RFTN1: variants seen among roughly 807,000 people sequenced by gnomAD.
The protein encoded by RFTN1 is raftlin, lipid raft linker 1, also known as raftlin.
In RFTN1, 26 loss-of-function variants were observed where a neutral mutation model predicts 46.5. The ratio of observed to expected loss-of-function variants is 0.56; its 90% CI spans 0.41 to 0.78. RFTN1 has a LOEUF of 0.78. Among genes scored for constraint, RFTN1 ranks in the 30% least tolerant of loss-of-function variants. The pLI is 0.00. For missense variants in RFTN1, 693 were observed against 718.7 expected, an observed-to-expected ratio of 0.96 and a Z score of 0.41; for synonymous variants, 261 against 284.2, an observed-to-expected ratio of 0.92 and a Z score of 0.82.
rs886253253 is a variant in RFTN1, at chr3:16,322,312, T to G, written c.1332+1064A>C. ...CTTCAAGTCACCATTGCTTTGGCAC[T>G]CCTTCCACAAGTGGGCTCCCCCTGG... On this transcript the variant is annotated intron_variant, in intron 9 of 9. Coordinates refer to ENST00000334133, the MANE Select transcript of RFTN1 (RefSeq NM_015150.2). The surrounding 1 kb of genome is among the most constrained non-coding windows in gnomAD (Gnocchi z 6.2). 2.6e-5 allele frequency among the ~76,000 whole-genome samples: 4 copies of G among 152,200 alleles called. No homozygotes were observed. Among genetic ancestry groups the G allele is most frequent in the Non-Finnish European group, 5.9e-5 (4 of 68,034 alleles).
At chr3:16,373,983 G>A (rs1575166032) in intron 5 of RFTN1, among the ~76,000 whole-genome samples, 1 of 152,332 alleles carries the variant, frequency 6.6e-6, no homozygotes, top group East Asian at 1.9e-4. Context: ...GGTACTAATA[G>A]TGAGGCCCGC....
rs1284523208 is a variant in RFTN1, at chr3:16,346,961, G to A, written c.1146+10971C>T. Among the ~76,000 whole-genome samples the A allele has an allele frequency of 1.3e-5, 2 of 152,198 alleles. No individual in the cohort carries two copies. Among genetic ancestry groups the A allele is most frequent in the Non-Finnish European group, 2.9e-5 (2 of 68,034 alleles). ...CTCTAGACTTCCTGCTCAATGAGATGAGATGAACACCCCTACGGCTTAAGC... is the reference window on the plus strand; with the variant it reads ...CTCTAGACTTCCTGCTCAATGAGATAAGATGAACACCCCTACGGCTTAAGC... On this transcript the variant is annotated intron_variant, in intron 7 of 9. Transcript: ENST00000334133. This position sits in a 1 kb window ranked among gnomAD's most constrained non-coding sequence, Gnocchi z 4.4.
At chr3:16,378,182 C>G in intron 4 of RFTN1, 80 bp from the exon 5 acceptor site, 1 of 1,258,750 alleles carries the variant, frequency 7.9e-7, no homozygotes, top group Non-Finnish European at 1.1e-6. Context: ...CAAAGCGCCT[C>G]CCCGAGGCCT....
In RFTN1 at chr3:16,473,365, T is replaced by C. The variant is rs899340580; in HGVS notation, c.145+20360A>G. 2.0e-5 allele frequency among the ~76,000 whole-genome samples: 3 copies of C among 151,994 alleles called. No individual in the cohort carries two copies. Among genetic ancestry groups the C allele is most frequent in the African/African-American group, 7.2e-5 (3 of 41,400 alleles). ...AGTACCTTCCTGTCAGATGATTAAA[T>C]AAGGTCCACAAAAATACTCTGTTTT... On this transcript the variant is annotated intron_variant, in intron 2 of 9. Transcript: ENST00000334133. The surrounding 1 kb of genome is among the most constrained non-coding windows in gnomAD (Gnocchi z 5.3).
chr3:16,396,570 G>C (rs1442660079), intron 4 of RFTN1, among the ~76,000 whole-genome samples: 1 of 152,176 alleles, frequency 6.6e-6, no homozygotes, highest in African/African-American at 2.4e-5. Context: ...AAAAAGAGAG[G>C]AGGGAGTTTT....
intron 4 of RFTN1, among the ~76,000 whole-genome samples, chr3:16,390,455 C>T (rs535645960): frequency 6.9e-6 from 1 of 145,250 alleles, no homozygotes; most frequent in Admixed American, 7.0e-5. Flanking sequence ...ATCCAAACTG[C>T]TGGAAAAAGC....
intron 7 of RFTN1, among the ~76,000 whole-genome samples, chr3:16,332,392 G>T (rs374430872): frequency 6.8e-5 from 10 of 147,314 alleles, no homozygotes; most frequent in African/African-American, 2.5e-4. Context: ...AGATTCAAAA[G>T]CCCTTTCTTA....
rs2076416086 is a variant in RFTN1 at position 16,484,425 on chromosome 3, A to G, written c.145+9300T>C. ...TTTATATACAGAGTTTAAGGCTAGA[A>G]TGCTGGTGGCCGAAAGCCAAGTATG... On this transcript the variant is annotated intron_variant, in intron 2 of 9. Coordinates refer to ENST00000334133, the MANE Select transcript of RFTN1 (RefSeq NM_015150.2). This position sits in a 1 kb window ranked among gnomAD's most constrained non-coding sequence, Gnocchi z 4.6. 1.3e-5 allele frequency among the ~76,000 whole-genome samples: 2 copies of G among 152,204 alleles called. No homozygotes were observed. The highest frequency in any genetic ancestry group is 1.3e-4 in the Admixed American group (2 of 15,280).
rs1471636472 is a variant in RFTN1 at position 16,513,487 on chromosome 3, G to A, written c.-54C>T. 6.6e-6 allele frequency: 1 copy of A among 152,260 alleles called. No individual in the cohort carries two copies. Among genetic ancestry groups the A allele is most frequent in the Non-Finnish European group, 1.5e-5 (1 of 68,148 alleles). 9.4% of individuals were successfully genotyped at this position (152,260 alleles called of 1,614,324 possible). ...GAAGGCGCGGTCGCGGGCTCCCTGA[G>A]GCAGCGTGTTCCGTCCCGGGAGGAA... On this transcript the variant is annotated 5_prime_UTR_variant, in exon 1 of 10. Coordinates refer to ENST00000334133, the MANE Select transcript of RFTN1 (RefSeq NM_015150.2). The surrounding 1 kb of genome is among the most constrained non-coding windows in gnomAD (Gnocchi z 5.4).
rs2076079026 is a variant in RFTN1 at position 16,465,696 on chromosome 3, CA to C, written c.145+28028del. Reference sequence around the variant, plus strand: ...AGATCACCAAAATTATCACACCCACCAAAAAGACCTGCTGGGGACAGCTAAT... The same window carrying C: ...AGATCACCAAAATTATCACACCCACCAAAAGACCTGCTGGGGACAGCTAAT... On this transcript the variant is annotated intron_variant, in intron 2 of 9. Coordinates refer to ENST00000334133, the MANE Select transcript of RFTN1 (RefSeq NM_015150.2). The surrounding 1 kb of genome is among the most constrained non-coding windows in gnomAD (Gnocchi z 5.1). Among the ~76,000 whole-genome samples the C allele has an allele frequency of 6.6e-6, 1 of 152,034 alleles. No homozygotes were observed. The highest frequency in any genetic ancestry group is 2.4e-5 in the African/African-American group (1 of 41,396).
intron 2 of RFTN1, among the ~76,000 whole-genome samples, chr3:16,435,848 T>G (rs1298135942): frequency 6.6e-6 from 1 of 151,266 alleles, no homozygotes; most frequent in Admixed American, 6.6e-5. Flanking sequence ...AAACATCTCA[T>G]GTACCCTATA....
In RFTN1 at chr3:16,425,864, G is replaced by A. The variant is rs2075280635; in HGVS notation, c.332+7987C>T. ...GGACAGCTCCTCAGGGGGTACGGTG[G>A]CAGCCCGGAGAGCTAATCAAATCCT... On this transcript the variant is annotated intron_variant, in intron 3 of 9. Coordinates refer to ENST00000334133, the MANE Select transcript of RFTN1 (RefSeq NM_015150.2). This position sits in a 1 kb window ranked among gnomAD's most constrained non-coding sequence, Gnocchi z 4.3. Among the ~76,000 whole-genome samples, 1 of 152,116 alleles carries A rather than the reference G, an allele frequency of 6.6e-6. No homozygotes were observed. Among genetic ancestry groups the A allele is most frequent in the African/African-American group, 2.4e-5 (1 of 41,422 alleles).
chr3:16,339,583 G>A (rs1163743333), intron 7 of RFTN1: 1 of 152,076 alleles, frequency 6.6e-6, no homozygotes, highest in East Asian at 1.9e-4. Flanking sequence ...ACCTACCACG[G>A]GACAAACCAA....
intron 7 of RFTN1, among the ~76,000 whole-genome samples, chr3:16,350,808 C>T (rs1026053558): frequency 1.3e-5 from 2 of 152,110 alleles, no homozygotes; most frequent in African/African-American, 2.4e-5. Context: ...GTCTTTGGCA[C>T]TAAAGACTAT....
At chr3:16,497,467 G>T (rs2076644334) in intron 1 of RFTN1, among the ~76,000 whole-genome samples, 1 of 152,166 alleles carries the variant, frequency 6.6e-6, no homozygotes, top group Non-Finnish European at 1.5e-5. Flanking sequence ...CAGGCTGGTG[G>T]CAGCTTCTAA....
At chr3:16,391,713 G>A (rs879779674) in intron 4 of RFTN1, among the ~76,000 whole-genome samples, 3 of 152,048 alleles carry the variant, frequency 2.0e-5, no homozygotes, top group African/African-American at 4.8e-5. Flanking sequence ...GCACCGAAAC[G>A]CAGCACACCA....
chr3:16,376,902 A>C lies in RFTN1; in HGVS notation c.826+816T>G, dbSNP rs1257253003. Reference sequence around the variant, plus strand: ...ATTCAAGAATTCGTAAATAAATGGTAATAACAATATTAACCAGGGAGATCA... The same window carrying C: ...ATTCAAGAATTCGTAAATAAATGGTCATAACAATATTAACCAGGGAGATCA... On this transcript the variant is annotated intron_variant, in intron 5 of 9. Coordinates refer to ENST00000334133, the MANE Select transcript of RFTN1 (RefSeq NM_015150.2). The surrounding 1 kb of genome is among the most constrained non-coding windows in gnomAD (Gnocchi z 4.7). Among the ~76,000 whole-genome samples the C allele has an allele frequency of 6.6e-6, 1 of 152,178 alleles. No homozygotes were observed. The highest frequency in any genetic ancestry group is 1.5e-5 in the Non-Finnish European group (1 of 68,016).
chr3:16,349,936 C>T (rs567952229), intron 7 of RFTN1: 6 of 152,342 alleles, frequency 3.9e-5, no homozygotes, highest in South Asian at 4.1e-4. Flanking sequence ...CTTCCTCTTC[C>T]GGGATCTCAA....
chr3:16,434,135 A>T (rs2075450537), intron 2 of RFTN1, 98 bp from the exon 3 acceptor site: 1 of 988,890 alleles, frequency 1.0e-6, no homozygotes, highest in African/African-American at 1.6e-5. Flanking sequence ...AGGATCCTCT[A>T]GGTCACTGCT....
Sources: gnomAD v4.1 joint callset for allele counts (sites outside exome capture counted in the v4.1 genomes callset) on GRCh38, gnomAD v4.1.1 for gene constraint, Gnocchi (gnomAD v3.1) non-coding constraint, MANE v1.5 for transcripts, NCBI Gene and HGNC (gene_info 2026-07-23, HGNC 2026-07-21) for gene names.